Variants in PARN observed in about 807,000 individuals in gnomAD.
PARN encodes poly(A)-specific ribonuclease, also known as poly(A)-specific ribonuclease PARN.
In PARN, 71 loss-of-function variants were observed where a neutral mutation model predicts 102.8. The observed-to-expected ratio is 0.69, with a 90% CI of 0.57 to 0.84. PARN has a LOEUF of 0.84. Ranked by LOEUF, PARN falls within the 40% of genes least tolerant of loss-of-function variation. The pLI, the probability that PARN is intolerant of heterozygous loss-of-function variation, is 0.00. For synonymous variants in PARN, 261 were observed against 252.9 expected (o/e 1.03, Z -0.30); for missense variants, 782 against 760.9 (o/e 1.03, Z -0.33).
chr16:14,551,491 C>T (rs1488124127), intron 21 of PARN, among the ~76,000 whole-genome samples: 1 of 152,026 alleles, frequency 6.6e-6, no homozygotes, highest in Non-Finnish European at 1.5e-5. Context: ...AGTGCTTGAA[C>T]CCGAGAACCA....
chr16:14,595,917 G>C (rs1970478244), intron 12 of PARN, among the ~76,000 whole-genome samples: 1 of 152,102 alleles, frequency 6.6e-6, no homozygotes, highest in African/African-American at 2.4e-5. Context: ...CTCCTGCCTT[G>C]ACCTCCCTAA....
chr16:14,553,256 TA>T (rs58411352), intron 20 of PARN, among the ~76,000 whole-genome samples: 58,523 of 117,076 alleles, frequency 0.5, 13,724 homozygotes, highest in East Asian at 0.66. Flanking sequence ...TATTTCTATT[TA>T]AAAAAAAAAA....
At chr16:14,591,417 A>G (rs994040912) in intron 13 of PARN, among the ~76,000 whole-genome samples, 13 of 151,986 alleles carry the variant, frequency 8.6e-5, no homozygotes, top group Non-Finnish European at 1.8e-4. Context: ...ATTATTTAAA[A>G]TAAGAAAAAG....
At chr16:14,546,336 G>T (rs1966939779) in intron 21 of PARN, among the ~76,000 whole-genome samples, 1 of 152,188 alleles carries the variant, frequency 6.6e-6, no homozygotes, top group Non-Finnish European at 1.5e-5. Flanking sequence ...TTAGACTGAG[G>T]CAAAGCCAAG....
chr16:14,530,278 C>G (rs530632313), intron 21 of PARN, among the ~76,000 whole-genome samples: 2 of 152,312 alleles, frequency 1.3e-5, no homozygotes, highest in Non-Finnish European at 2.9e-5. Context: ...AAGCCCCAGG[C>G]TACTCTAGAG....
intron 5 of PARN, among the ~76,000 whole-genome samples, chr16:14,620,571 T>C (rs1008683218): frequency 2.6e-5 from 4 of 152,230 alleles, no homozygotes; most frequent in East Asian, 3.8e-4. Context: ...GTCCCTTTCC[T>C]GCACTGTACT....
chr16:14,498,104 TAG>T (rs1964411695), intron 21 of PARN, among the ~76,000 whole-genome samples: 1 of 122,904 alleles, frequency 8.1e-6, no homozygotes, highest in South Asian at 2.5e-4. Flanking sequence ...AGCCTGGCAA[TAG>T]AGAGAGACTC....
intron 22 of PARN, among the ~76,000 whole-genome samples, chr16:14,481,817 T>A (rs1461502921): frequency 6.6e-6 from 1 of 152,230 alleles, no homozygotes; most frequent in Non-Finnish European, 1.5e-5. Context: ...CCATTTTCTA[T>A]ACCTGTGTTT....
chr16:14,436,844 A>T, intron 23 of PARN, 72 bp from the exon 24 acceptor site: 1 of 1,128,002 alleles, frequency 8.9e-7, no homozygotes, highest in Non-Finnish European at 1.3e-6. Context: ...TGACATGACC[A>T]GCAGACAGAC....
chr16:14,440,337 G>A, intron 23 of PARN, among the ~76,000 whole-genome samples: 1 of 152,146 alleles, frequency 6.6e-6, no homozygotes, highest in East Asian at 1.9e-4. Context: ...CAAGCAAAAG[G>A]GGTGTGTATC....
At chr16:14,480,678 C>T (rs1484855456) in intron 22 of PARN, among the ~76,000 whole-genome samples, 2 of 152,150 alleles carry the variant, frequency 1.3e-5, no homozygotes, top group East Asian at 1.9e-4. Flanking sequence ...CAGTGGCTCA[C>T]GCCTGTAATC....
intron 22 of PARN, among the ~76,000 whole-genome samples, chr16:14,470,905 T>C (rs963237061): frequency 2.6e-5 from 4 of 151,998 alleles, no homozygotes; most frequent in Non-Finnish European, 4.4e-5. Flanking sequence ...GCCTCCTGAG[T>C]AGCTAGGTTT....
intron 10 of PARN, 86 bp downstream of exon 10, chr16:14,606,397 GA>G: frequency 3.8e-6 from 2 of 522,548 alleles, no homozygotes; most frequent in African/African-American, 4.0e-5. Context: ...GACCCTGAGG[GA>G]AAAAAAAAAA....
At chr16:14,519,293 G>A (rs1394354618) in intron 21 of PARN, among the ~76,000 whole-genome samples, 1 of 122,406 alleles carries the variant, frequency 8.2e-6, no homozygotes, top group Non-Finnish European at 1.7e-5. Context: ...GAGGAAGGGA[G>A]GGGAGGGGAG....
At chr16:14,537,179 T>C (rs548033977) in intron 21 of PARN, among the ~76,000 whole-genome samples, 2 of 151,988 alleles carry the variant, frequency 1.3e-5, no homozygotes, top group Admixed American at 6.6e-5. Flanking sequence ...GCAACAAACA[T>C]AAGAAAATGT....
At chr16:14,621,556 T>A (rs1360829017) in intron 5 of PARN, among the ~76,000 whole-genome samples, 1 of 152,214 alleles carries the variant, frequency 6.6e-6, no homozygotes, top group Non-Finnish European at 1.5e-5. Context: ...CTCACGCCTG[T>A]AATCCGAGCA....
intron 22 of PARN, among the ~76,000 whole-genome samples, chr16:14,462,896 A>G (rs1845395281): frequency 6.6e-6 from 1 of 152,226 alleles, no homozygotes; most frequent in South Asian, 2.1e-4. Flanking sequence ...GCAAGGAAGC[A>G]CAGTGATCCC....
At chr16:14,615,809 G>A (rs774262305) in intron 6 of PARN, among the ~76,000 whole-genome samples, 9 of 151,606 alleles carry the variant, frequency 5.9e-5, no homozygotes, top group Admixed American at 2.6e-4. Context: ...GCTGAGGCAC[G>A]AGTATCACTT....
chr16:14,490,080 C>G (rs1213558989), intron 21 of PARN, among the ~76,000 whole-genome samples: 1 of 152,164 alleles, frequency 6.6e-6, no homozygotes, highest in Non-Finnish European at 1.5e-5. Context: ...ATTGTTTGAG[C>G]CCGGGATGTG....
Sources: allele counts gnomAD v4.1 joint callset (sites outside exome capture counted in the v4.1 genomes callset), GRCh38; gene constraint gnomAD v4.1.1; transcripts MANE v1.5; gene names NCBI Gene and HGNC (gene_info 2026-07-23, HGNC 2026-07-21).